Variants in TMEM43 observed in about 807,000 individuals in gnomAD.
TMEM43 encodes transmembrane protein 43.
TMEM43 carries 45 observed loss-of-function variants against 49.6 expected under a neutral mutation model. That is an observed-to-expected ratio of 0.91 (90% CI 0.71 to 1.16). The LOEUF (loss-of-function observed/expected upper bound fraction) is 1.16, where lower values mean the gene tolerates loss of function less well. Ranked by LOEUF, TMEM43 falls within the 50% of genes most tolerant of loss-of-function variation. The pLI is 0.00. For synonymous variants in TMEM43, 199 were observed against 207.8 expected, an observed-to-expected ratio of 0.96 and a Z score of 0.36; for missense variants, 532 against 516.6, an observed-to-expected ratio of 1.03 and a Z score of -0.29.
chr3:14,127,967 C>T (rs1695041049), intron 1 of TMEM43, among the ~76,000 whole-genome samples: 2 of 152,160 alleles, frequency 1.3e-5, no homozygotes, highest in African/African-American at 4.8e-5. Flanking sequence ...TGGTGCCAGC[C>T]CAGTATCAGT....
intron 1 of TMEM43, among the ~76,000 whole-genome samples, chr3:14,126,344 CTT>C (rs1695021268): frequency 6.6e-6 from 1 of 152,216 alleles, no homozygotes; most frequent in South Asian, 2.1e-4. Flanking sequence ...TATGTGGACT[CTT>C]TGTCTGCTCC....
chr3:14,126,216 C>T (rs1246417469), intron 1 of TMEM43, among the ~76,000 whole-genome samples: 1 of 152,168 alleles, frequency 6.6e-6, no homozygotes, highest in East Asian at 1.9e-4. Flanking sequence ...CAGGACATTT[C>T]GGGCCCACAG....
chr3:14,130,926 G>A lies in TMEM43; in HGVS notation c.267G>A (p.Val89=), dbSNP rs763697982. Residue 89 remains valine (V), a synonymous_variant, in exon 3 of 12, where the codon GTG becomes GTA. Transcript: ENST00000306077. The part of the protein sequence containing the change: ...SVAPENEGRL[V]HIIGALRTSK... ...CTCCGGAGAATGAAGGAAGGCTGGTGCACATCATTGGCGCCTTACGGACAT... is the reference window on the plus strand; with the variant it reads ...CTCCGGAGAATGAAGGAAGGCTGGTACACATCATTGGCGCCTTACGGACAT... 10 of 1,613,098 alleles carry A rather than the reference G, an allele frequency of 6.2e-6. No homozygotes were observed. The South Asian group carries it at 7.7e-5, about 12-fold the overall frequency.
intron 1 of TMEM43, among the ~76,000 whole-genome samples, chr3:14,128,029 C>G (rs73142621): frequency 0.02 from 2,977 of 152,244 alleles, 101 homozygotes; most frequent in African/African-American, 0.067. Context: ...CCAGTGCTTA[C>G]CACGCCCTAG....
Position 14,133,778 on chromosome 3 carries a change from T to C in TMEM43, c.552T>C (p.Phe184=). ...AGTCATTCATGGCAACAGCCCCCTT[T>C]GTCCAAATTGGCAGGTTTTTCCTCT... ...AVESFMATAP[F]VQIGRFFLSS... The change falls in exon 7 of 12, where the codon TTT becomes TTC. Residue 184 remains phenylalanine (F), a synonymous_variant. Coordinates refer to ENST00000306077, the MANE Select transcript of TMEM43 (RefSeq NM_024334.3). 1.2e-6 allele frequency: 2 copies of C among 1,614,126 alleles called. No homozygotes were observed. The highest frequency in any genetic ancestry group is 2.7e-5 in the African/African-American group (2 of 75,056).
intron 10 of TMEM43, 44 bp from the exon 11 acceptor site, chr3:14,139,136 C>A: frequency 7.0e-7 from 1 of 1,436,742 alleles, no homozygotes; most frequent in Non-Finnish European, 9.8e-7. Context: ...CTGGGTACGC[C>A]ACTGGCCCTC....
At position 14,141,946 on chromosome 3, in the gene TMEM43, T is replaced by C. The variant is rs1695254913; in HGVS notation, c.*151T>C. 1.1e-5 allele frequency: 8 copies of C among 730,744 alleles called. No homozygotes were observed. The highest frequency in any genetic ancestry group is 1.1e-4 in the East Asian group (4 of 36,894). 45.3% of individuals were successfully genotyped at this position (730,744 alleles called of 1,614,324 possible). On this transcript the variant is annotated 3_prime_UTR_variant, in exon 12 of 12. Coordinates refer to ENST00000306077, the MANE Select transcript of TMEM43 (RefSeq NM_024334.3). ...TTCAGGGGCCAGACTTGGCAGCATG[T>C]GCACCAGGTTGGTGTTCACCAGCTC...
intron 3 of TMEM43, 41 bp downstream of exon 3, chr3:14,130,997 G>T (rs1234483530): frequency 1.3e-6 from 2 of 1,590,042 alleles, no homozygotes; most frequent in Admixed American, 3.4e-5. Flanking sequence ...GTGGCTCGGG[G>T]CTCATCCTGG....
chr3:14,140,436 A>C (rs1156320495), intron 11 of TMEM43, among the ~76,000 whole-genome samples: 1 of 151,968 alleles, frequency 6.6e-6, no homozygotes, highest in Non-Finnish European at 1.5e-5. Context: ...AGGGACCCCC[A>C]GGGTGGGTGG....
At chr3:14,128,862 C>G (rs1695054226) in intron 1 of TMEM43, 1 of 440,226 alleles carries the variant, frequency 2.3e-6, no homozygotes, top group South Asian at 1.6e-5. Flanking sequence ...CAGCCAAAAC[C>G]TGGAAGCTGT....
rs374202326 is a variant in TMEM43, at chr3:14,134,886, C to T, written c.700C>T (p.Pro234Ser). 38 of 1,614,052 alleles carry T rather than the reference C, an allele frequency of 2.4e-5. No homozygotes were observed. Among genetic ancestry groups the T allele is most frequent in the South Asian group, 8.8e-5 (8 of 91,088 alleles). Residue 234 changes from proline (P) to serine (S), a missense_variant, in exon 8 of 12, where the codon CCA (proline) becomes TCA (serine). Transcript: ENST00000306077. ...CTACCACAGCGAAAATCCCAAGTATCCAGAGGTGTGCGGAGAGGCCTGGGC... is the reference window on the plus strand; with the variant it reads ...CTACCACAGCGAAAATCCCAAGTATTCAGAGGTGTGCGGAGAGGCCTGGGC... ...FFYHSENPKY[P>S]EVGDLRVSFS...
chr3:14,136,815 T>C (rs1428170535), intron 10 of TMEM43, among the ~76,000 whole-genome samples: 1 of 148,882 alleles, frequency 6.7e-6, no homozygotes, highest in African/African-American at 2.5e-5. Context: ...TAGGGAGGGC[T>C]ATGCCTACCC....
rs1297720044 is a variant in TMEM43, at chr3:14,143,641, A to AT, written c.*1852dup. Reference sequence around the variant, plus strand: ...AAAACCAAATTTGTAATATCATTGTATTTTTTATTAAAAGTTTTGTAATAA... The same window carrying AT: ...AAAACCAAATTTGTAATATCATTGTATTTTTTTATTAAAAGTTTTGTAATAA... On this transcript the variant is annotated 3_prime_UTR_variant, in exon 12 of 12. Coordinates refer to ENST00000306077, the MANE Select transcript of TMEM43 (RefSeq NM_024334.3). 3.9e-5 allele frequency: 6 copies of AT among 152,224 alleles called. No individual in the cohort carries two copies. In the East Asian group the frequency reaches 7.7e-4, roughly 20 times the overall value. The allele number at this position is 152,224 out of a possible 1,614,324, so 9.4% of individuals were successfully genotyped here. A position where few individuals can be genotyped will look rare whatever the true frequency, so the allele number is the denominator to read the frequency against.
At chr3:14,127,519 G>T (rs1334975502) in intron 1 of TMEM43, among the ~76,000 whole-genome samples, 1 of 152,210 alleles carries the variant, frequency 6.6e-6, no homozygotes, top group African/African-American at 2.4e-5. Context: ...CAGTCTGCCC[G>T]GATTTGAATC....
In TMEM43 at chr3:14,142,718, A is replaced by G. The variant is rs557589455; in HGVS notation, c.*923A>G. The G allele has an allele frequency of 6.5e-6, 1 of 152,770 alleles. No individual in the cohort carries two copies. The highest frequency in any genetic ancestry group is 1.9e-4 in the East Asian group (1 of 5,194). The allele number at this position is 152,770 out of a possible 1,614,324, so 9.5% of individuals were successfully genotyped here. ...TTTTGTGTCACTGAGAAGCTTTACAATGGATGCTTTTGAAACAAGTATCAG... is the reference window on the plus strand; with the variant it reads ...TTTTGTGTCACTGAGAAGCTTTACAGTGGATGCTTTTGAAACAAGTATCAG... On this transcript the variant is annotated 3_prime_UTR_variant, in exon 12 of 12. Transcript: ENST00000306077.
At chr3:14,139,045 T>C in intron 10 of TMEM43, 135 bp from the exon 11 acceptor site, 1 of 724,590 alleles carries the variant, frequency 1.4e-6, no homozygotes, top group Non-Finnish European at 2.5e-6. Context: ...ATAGGAGGCT[T>C]GCCCCCACTC....
At chr3:14,127,999 T>G (rs1037168852) in intron 1 of TMEM43, among the ~76,000 whole-genome samples, 2 of 152,080 alleles carry the variant, frequency 1.3e-5, no homozygotes, top group African/African-American at 4.8e-5. Flanking sequence ...CTGGTAACAT[T>G]TCTACTAGCT....
At chr3:14,134,628 C>A in intron 7 of TMEM43, 142 bp from the exon 8 acceptor site, 2 of 1,133,186 alleles carry the variant, frequency 1.8e-6, no homozygotes, top group Non-Finnish European at 2.7e-6. Context: ...GTGGACGAGA[C>A]AGAGTCAGAA....
In TMEM43 at chr3:14,132,836, G is replaced by T. The variant is rs1269612807; in HGVS notation, c.443-30G>T. The T allele has an allele frequency of 2.5e-6, 4 of 1,610,060 alleles. No individual in the cohort carries two copies. In the Admixed American group the frequency reaches 6.7e-5, roughly 27 times the overall value. On this transcript the variant is annotated intron_variant, in intron 5 of 11. Coordinates refer to ENST00000306077, the MANE Select transcript of TMEM43 (RefSeq NM_024334.3). ...CTCAGCCGCGTGCCACTCCTACCCGGGCTCTGAGTTGATTCCTCTCCCTGA... is the reference window on the plus strand; with the variant it reads ...CTCAGCCGCGTGCCACTCCTACCCGTGCTCTGAGTTGATTCCTCTCCCTGA...
Sources: gnomAD v4.1 joint callset for allele counts (sites outside exome capture counted in the v4.1 genomes callset) on GRCh38, gnomAD v4.1.1 for gene constraint, MANE v1.5 for transcripts, NCBI Gene and HGNC (gene_info 2026-07-23, HGNC 2026-07-21) for gene names.